The following FBXL2 variants were observed in gnomAD, a reference collection of about 807,000 sequenced individuals.
The protein encoded by FBXL2 is F-box/LRR-repeat protein 2.
FBXL2 carries 38 observed loss-of-function variants against 69.2 expected under a neutral mutation model. The observed-to-expected ratio is 0.55, with a 90% CI of 0.42 to 0.72. The LOEUF (loss-of-function observed/expected upper bound fraction) is 0.72. Ranked by LOEUF, FBXL2 falls within the 30% of genes least tolerant of loss-of-function variation. The probability of loss-of-function intolerance (pLI) is 0.00; values close to 1 mark genes in which losing one functional copy is unlikely to be tolerated. For missense variants in FBXL2, 354 were observed against 520.3 expected (o/e 0.68, Z 3.11); for synonymous variants, 192 against 201.3 (o/e 0.95, Z 0.39).
At chr3:33,277,546 C>T (rs1239054889) in intron 1 of FBXL2, 31 bp downstream of exon 1, 2 of 1,271,106 alleles carry the variant, frequency 1.6e-6, no homozygotes, top group Non-Finnish European at 2.0e-6. Context: ...TGCCTAGCTG[C>T]CCCGCCCTAC....
chr3:33,304,024 A>G (rs1448795559), intron 2 of FBXL2, among the ~76,000 whole-genome samples: 2 of 151,980 alleles, frequency 1.3e-5, no homozygotes, highest in African/African-American at 2.4e-5. Context: ...GCCACTGGAA[A>G]AAATTTTTTA....
chr3:33,411,596 G>T, the FBXL2 span: 1 of 1,614,072 alleles, frequency 6.2e-7, no homozygotes, highest in South Asian at 1.1e-5. Context: ...TGAAAGCAGA[G>T]GTGCGTTTTG....
At chr3:33,372,274 CTCTT>C (rs1389665352) in intron 5 of FBXL2, 1 of 152,202 alleles carries the variant, frequency 6.6e-6, no homozygotes, top group Non-Finnish European at 1.5e-5. Context: ...CTCTGGAGTT[CTCTT>C]TGTGACGTTC....
intron 2 of FBXL2, among the ~76,000 whole-genome samples, chr3:33,312,691 CTTA>C (rs1350351821): frequency 2.6e-5 from 4 of 152,118 alleles, no homozygotes; most frequent in South Asian, 2.1e-4. Flanking sequence ...GCTTATTTAA[CTTA>C]TTATTTATTT....
downstream of FBXL2, chr3:33,390,268 A>C: frequency 6.7e-7 from 1 of 1,499,652 alleles, no homozygotes; most frequent in Admixed American, 1.8e-5. Flanking sequence ...TCTTGGATTC[A>C]GTCTTCACAC....
In FBXL2 at chr3:33,377,342, T is replaced by C. The variant is rs754572835; in HGVS notation, c.849+9T>C. On this transcript the variant is annotated intron_variant, in intron 11 of 14. Coordinates refer to ENST00000484457, the MANE Select transcript of FBXL2 (RefSeq NM_012157.5). ...TTACACTTTTAGCTCGGGTAAGGCA[T>C]AGATTTAAAGAATACAACCAAACTC... 1.2e-6 allele frequency: 2 copies of C among 1,613,868 alleles called. No homozygotes were observed. The highest frequency in any genetic ancestry group is 1.7e-6 in the Non-Finnish European group (2 of 1,179,762).
chr3:33,297,779 T>C, intron 2 of FBXL2, 54 bp downstream of exon 2: 1 of 1,030,798 alleles, frequency 9.7e-7, no homozygotes, highest in Non-Finnish European at 1.5e-6. Flanking sequence ...AGTCATCAAG[T>C]TCCAAGACTA....
At chr3:33,345,306 A>T (rs1367895250) in intron 2 of FBXL2, among the ~76,000 whole-genome samples, 1 of 152,014 alleles carries the variant, frequency 6.6e-6, no homozygotes, top group African/African-American at 2.4e-5. Context: ...CGTTTGCACA[A>T]CCCTTTTTCC....
chr3:33,277,519 A>G lies in FBXL2; in HGVS notation c.3+4A>G. The stretch of plus-strand genomic sequence containing the variant: ...CGCTCGCGGCTCTTCGGCCATGGTG[A>G]GTCTGGGACCCGCGTCTGCCTAGCT... On this transcript the variant is annotated splice_donor_region_variant and intron_variant, in intron 1 of 14. Transcript: ENST00000484457. 2 of 1,301,324 alleles carry G rather than the reference A, an allele frequency of 1.5e-6. No homozygotes were observed. Among genetic ancestry groups the G allele is most frequent in the Non-Finnish European group, 2.0e-6 (2 of 1,016,444 alleles). 80.6% of individuals were successfully genotyped at this position (1,301,324 alleles called of 1,614,324 possible).
intron 10 of FBXL2, 113 bp downstream of exon 10, chr3:33,375,531 A>G (rs1489009247): frequency 5.5e-6 from 7 of 1,275,770 alleles, no homozygotes; most frequent in Non-Finnish European, 6.5e-6. Context: ...GGCAGTAGTT[A>G]TGTTGTTGTT....
intron 2 of FBXL2, among the ~76,000 whole-genome samples, chr3:33,338,201 C>G (rs2039738295): frequency 6.6e-6 from 1 of 152,124 alleles, no homozygotes; most frequent in South Asian, 2.1e-4. Context: ...CGCTTGCGAT[C>G]AGGAGTTCAA....
chr3:33,384,066 G>T lies in FBXL2; in HGVS notation c.1029G>T (p.Leu343=), dbSNP rs751992701. The T allele has an allele frequency of 2.0e-5, 33 of 1,614,044 alleles. No individual in the cohort carries two copies. The highest frequency in any genetic ancestry group is 2.8e-5 in the Non-Finnish European group (33 of 1,180,026). ...ACAGTACCTGTGGCCATGAGAGGCT[G>T]CGGGTACTGGAGTTGGACAACTGCC... ...LSNSTCGHER[L]RVLELDNCLL... The change falls in exon 14 of 15, where the codon CTG becomes CTT. Residue 343 remains leucine, a synonymous_variant. Transcript: ENST00000484457.
At position 33,385,530 on chromosome 3, in the gene FBXL2, C is replaced by T; in HGVS notation, c.1194C>T (p.Ala398=). Residue 398 remains alanine, a synonymous_variant, in exon 15 of 15, where the codon GCC becomes GCT. Coordinates refer to ENST00000484457, the MANE Select transcript of FBXL2 (RefSeq NM_012157.5). The part of the protein sequence containing the change: ...RAQLPHVKVH[A]YFAPVTPPTA... ...AGCTCCCTCATGTCAAAGTCCACGC[C>T]TACTTTGCTCCCGTCACCCCACCGA... The T allele has an allele frequency of 6.2e-7, 1 of 1,614,078 alleles. No individual in the cohort carries two copies. The highest frequency in any genetic ancestry group is 2.2e-5 in the East Asian group (1 of 44,874).
intron 14 of FBXL2, among the ~76,000 whole-genome samples, chr3:33,385,279 G>C (rs1394907111): frequency 1.3e-5 from 2 of 152,180 alleles, no homozygotes; most frequent in Non-Finnish European, 2.9e-5. Context: ...CTACCCCTGG[G>C]TGGAAACGTA....
chr3:33,376,177 C>T (rs973847665), intron 10 of FBXL2, among the ~76,000 whole-genome samples: 1 of 150,054 alleles, frequency 6.7e-6, no homozygotes, highest in African/African-American at 2.5e-5. Flanking sequence ...ACAAAAAAAA[C>T]AATAATTTGT....
chr3:33,333,167 G>A (rs1230986575), intron 2 of FBXL2, among the ~76,000 whole-genome samples: 1 of 152,018 alleles, frequency 6.6e-6, no homozygotes, highest in Non-Finnish European at 1.5e-5. Context: ...TTTGAAATGT[G>A]GTTACACAAC....
intron 5 of FBXL2, among the ~76,000 whole-genome samples, chr3:33,368,649 C>T (rs1575365719): frequency 6.6e-6 from 1 of 151,888 alleles, no homozygotes; most frequent in African/African-American, 2.4e-5. Context: ...GGCTGGAGTG[C>T]AGTGGAGTGC....
chr3:33,373,116 C>A lies in FBXL2; in HGVS notation c.315C>A (p.Asn105Lys), dbSNP rs2042399833. The A allele has an allele frequency of 6.2e-7, 1 of 1,614,082 alleles. No homozygotes were observed. The highest frequency in any genetic ancestry group is 1.3e-5 in the African/African-American group (1 of 74,924). ...GGACCTTTGCACAGAACTGCCGAAA[C>A]ATTGAACATTTGAACCTCAATGGAT... Reference protein sequence around the residue: ...SLKTFAQNCRNIEHLNLNGCT... With the variant: ...SLKTFAQNCRKIEHLNLNGCT... Residue 105 changes from asparagine to lysine, a missense_variant, in exon 6 of 15, where the codon AAC (asparagine) becomes AAA (lysine). Coordinates refer to ENST00000484457, the MANE Select transcript of FBXL2 (RefSeq NM_012157.5).
intron 13 of FBXL2, among the ~76,000 whole-genome samples, chr3:33,380,306 C>T (rs955054521): frequency 6.6e-6 from 1 of 151,782 alleles, no homozygotes; most frequent in Non-Finnish European, 1.5e-5. Flanking sequence ...CTGTAATCCC[C>T]AGCACTTTGG....
Sources: gnomAD v4.1 joint callset for allele counts (sites outside exome capture counted in the v4.1 genomes callset) on GRCh38, gnomAD v4.1.1 for gene constraint, MANE v1.5 for transcripts, NCBI Gene and HGNC (gene_info 2026-07-23, HGNC 2026-07-21) for gene names.